Variants in ZNF600 observed in about 807,000 individuals in gnomAD.
The protein encoded by ZNF600 is zinc finger protein KR-ZNF1.
In ZNF600, 4 loss-of-function variants were observed where a neutral mutation model predicts 7.3. The observed-to-expected ratio is 0.55, with a 90% CI of 0.27 to 1.25. The LOEUF (loss-of-function observed/expected upper bound fraction) is 1.25. Among genes scored for constraint, ZNF600 ranks in the 50% most tolerant of loss-of-function variants. The probability of loss-of-function intolerance (pLI) is 0.12; values close to 1 mark genes in which losing one functional copy is unlikely to be tolerated. For synonymous variants in ZNF600, 290 were observed against 308.9 expected (o/e 0.94, Z 0.64); for missense variants, 911 against 922.1 (o/e 0.99, Z 0.16).
chr19:52,769,631 C>A (rs1217454403), intron 3 of ZNF600, among the ~76,000 whole-genome samples: 1 of 152,162 alleles, frequency 6.6e-6, no homozygotes, highest in Non-Finnish European at 1.5e-5. Context: ...TCCCCCGGGC[C>A]CAGCTGTCTT....
chr19:52,775,907 G>A (rs2062670961), intron 2 of ZNF600, among the ~76,000 whole-genome samples: 2 of 152,022 alleles, frequency 1.3e-5, no homozygotes, highest in South Asian at 4.1e-4. Flanking sequence ...TCGGGAGGCT[G>A]AGGCTGGAGA....
the ZNF600 span, chr19:52,809,727 C>T: frequency 1.7e-4 from 69 of 407,970 alleles, no homozygotes; most frequent in Middle Eastern, 1.4e-3. Flanking sequence ...AACGCTTTAA[C>T]CCAGGAGGAG....
intron 3 of ZNF600, 50 bp downstream of exon 5, chr19:52,774,525 A>G (rs2062657061): frequency 4.1e-6 from 4 of 984,468 alleles, no homozygotes; most frequent in Non-Finnish European, 4.8e-6. Context: ...GGAAGGGCCA[A>G]GATAGACAAG....
the ZNF600 span, among the ~76,000 whole-genome samples, chr19:52,792,873 C>T: frequency 1.5e-3 from 223 of 151,926 alleles, no homozygotes; most frequent in African/African-American, 5.0e-3. Flanking sequence ...GCTGGGACTA[C>T]AGGTGCCCAC....
upstream of ZNF600, among the ~76,000 whole-genome samples, chr19:52,788,763 A>G (rs1047414498): frequency 5.9e-5 from 9 of 152,330 alleles, no homozygotes; most frequent in Non-Finnish European, 1.2e-4. Context: ...CATGGAGGAA[A>G]CTGCCTTGAT....
the ZNF600 span, chr19:52,810,517 G>A: frequency 6.3e-7 from 1 of 1,593,854 alleles, no homozygotes; most frequent in East Asian, 2.2e-5. Context: ...GGCAAATCAA[G>A]GTGATCCCAA....
At chr19:52,828,930 G>A in the ZNF600 span, among the ~76,000 whole-genome samples, 24 of 152,050 alleles carry the variant, frequency 1.6e-4, no homozygotes, top group East Asian at 1.4e-3. Context: ...GCAGGATCTC[G>A]GCTGAATGCA....
intron 1 of ZNF600, among the ~76,000 whole-genome samples, chr19:52,781,975 C>A (rs1016731207): frequency 7.1e-6 from 1 of 141,018 alleles, no homozygotes; most frequent in African/African-American, 2.9e-5. Flanking sequence ...GCAGGAGAAT[C>A]GCTTGACCCC....
At chr19:52,830,764 T>C in the ZNF600 span, among the ~76,000 whole-genome samples, 11 of 151,168 alleles carry the variant, frequency 7.3e-5, no homozygotes, top group East Asian at 2.1e-3. Flanking sequence ...AATAGGCTGG[T>C]ATTTGCATCC....
chr19:52,831,045 A>C, the ZNF600 span, among the ~76,000 whole-genome samples: 2 of 152,106 alleles, frequency 1.3e-5, no homozygotes, highest in Admixed American at 1.3e-4. Flanking sequence ...ACCTGAGGTG[A>C]AAGCAGTTTT....
At chr19:52,795,558 C>G in the ZNF600 span, among the ~76,000 whole-genome samples, 1 of 151,964 alleles carries the variant, frequency 6.6e-6, no homozygotes, top group Admixed American at 6.6e-5. Context: ...ATTTGAGAAG[C>G]AGTTATTTAC....
chr19:52,811,716 T>C, the ZNF600 span, among the ~76,000 whole-genome samples: 3 of 148,708 alleles, frequency 2.0e-5, no homozygotes, highest in Admixed American at 6.6e-5. Flanking sequence ...GTCTGGGAAG[T>C]GAGGAGCGTC....
the ZNF600 span, among the ~76,000 whole-genome samples, chr19:52,804,796 C>G: frequency 2.0e-5 from 3 of 152,180 alleles, no homozygotes; most frequent in Admixed American, 6.5e-5. Context: ...TGAGACATCA[C>G]AGCTGGCCAG....
the ZNF600 span, chr19:52,810,705 C>T: frequency 2.7e-6 from 2 of 749,126 alleles, no homozygotes; most frequent in East Asian, 5.2e-5. Flanking sequence ...ATTCCCCTTA[C>T]TAAAAAAAAT....
chr19:52,786,825 GC>G, upstream of ZNF600: 1 of 320,520 alleles, frequency 3.1e-6, no homozygotes, highest in Non-Finnish European at 6.6e-6. Flanking sequence ...CTGGACCTGG[GC>G]GGGGTAGAGG....
the ZNF600 span, among the ~76,000 whole-genome samples, chr19:52,822,074 C>CTTTTTTTTTTTTTTTTTTTTTTTTTT: frequency 2.5e-5 from 2 of 78,696 alleles, no homozygotes; most frequent in Non-Finnish European, 4.9e-5. Context: ...TTCTTTTTCC[C>CTTTTTTTTTTTTTTTTTTTTTTTTTT]TTTTTTTTTT....
Position 52,765,662 on chromosome 19 carries a change from C to T in ZNF600, c.2301G>A (p.Glu767=), listed in dbSNP as rs1205009289. 3.1e-6 allele frequency: 5 copies of T among 1,613,900 alleles called. No homozygotes were observed. In the South Asian group the frequency reaches 4.4e-5, roughly 14 times the overall value. Reference sequence around the variant, plus strand: ...ACTGCTTGCTAAAGGCTTTGCCACACTCATTACACTTGTAAGGTTTCTCTC... The same window carrying T: ...ACTGCTTGCTAAAGGCTTTGCCACATTCATTACACTTGTAAGGTTTCTCTC... Residue 767 remains glutamate, a synonymous_variant, in exon 4 of 4, where the codon GAG becomes GAA. Transcript: ENST00000648973.
At chr19:52,798,621 GAAT>G in the ZNF600 span, 1 of 410,486 alleles carries the variant, frequency 2.4e-6, no homozygotes, top group South Asian at 1.7e-5. Flanking sequence ...TCTCCTGTAT[GAAT>G]CCTCCTATGT....
rs1218900521 is a variant in ZNF600 at position 52,766,010 on chromosome 19, G to GT, written c.1952dup (p.Tyr651Ter). 2 of 1,614,174 alleles carry GT rather than the reference G, an allele frequency of 1.2e-6. No homozygotes were observed. Among genetic ancestry groups the GT allele is most frequent in the East Asian group, 4.5e-5 (2 of 44,870 alleles). ...AAGCCTTGTCACAAACCGTACATTT[G>GT]TAAGATTTCTCTCCAGTATGAAGTC... The change falls in exon 4 of 4, where the codon TAC (tyrosine) becomes TAAC (stop). Residue 651 changes from tyrosine to a stop codon, truncating the protein, a stop_gained and frameshift_variant. Coordinates refer to ENST00000648973, the Ensembl canonical transcript of ZNF600. LOFTEE classifies it low-confidence loss of function (END_TRUNC).
Sources: gnomAD v4.1 joint callset for allele counts (sites outside exome capture counted in the v4.1 genomes callset) on GRCh38, gnomAD v4.1.1 for gene constraint, MANE v1.5 for transcripts, NCBI Gene and HGNC (gene_info 2026-07-23, HGNC 2026-07-21) for gene names.